PHF20: variants seen among roughly 807,000 people sequenced by gnomAD.
PHF20 encodes the protein glioma-expressed antigen 2.
Under a neutral mutation model 113.5 loss-of-function variants are expected in PHF20, and 23 were observed. That is an observed-to-expected ratio of 0.20 (90% CI 0.15 to 0.29). The LOEUF (loss-of-function observed/expected upper bound fraction) is 0.29. PHF20 is among the 10% of genes least tolerant of loss of function. PHF20 has a pLI of 1.00. For synonymous variants in PHF20, 434 were observed against 457.3 expected, an observed-to-expected ratio of 0.95 and a Z score of 0.65; for missense variants, 943 against 1,219.6, an observed-to-expected ratio of 0.77 and a Z score of 3.38.
intron 13 of PHF20, among the ~76,000 whole-genome samples, chr20:35,918,594 G>C (rs930421242): frequency 1.3e-5 from 2 of 152,176 alleles, no homozygotes; most frequent in African/African-American, 4.8e-5. Flanking sequence ...TTGTGTTCAA[G>C]AGGCTAGGTA....
intron 9 of PHF20, among the ~76,000 whole-genome samples, chr20:35,898,556 T>C (rs1021809350): frequency 1.3e-5 from 2 of 152,168 alleles, no homozygotes; most frequent in Admixed American, 6.6e-5. Flanking sequence ...TGCCTCAGCC[T>C]CCCGAATAGC....
chr20:35,898,470 C>T (rs2055032650), intron 9 of PHF20, among the ~76,000 whole-genome samples: 1 of 152,112 alleles, frequency 6.6e-6, no homozygotes, highest in Non-Finnish European at 1.5e-5. Context: ...GAGTCTGGCT[C>T]TGTTGACCAG....
At chr20:35,941,118 A>C in intron 17 of PHF20, 71 bp downstream of exon 17, 3 of 1,297,770 alleles carry the variant, frequency 2.3e-6, no homozygotes, top group Middle Eastern at 2.4e-4. Flanking sequence ...TGCTTTCTGA[A>C]CCCCCCAGTC....
At chr20:35,868,003 A>G (rs2054347459) in intron 6 of PHF20, among the ~76,000 whole-genome samples, 1 of 152,108 alleles carries the variant, frequency 6.6e-6, no homozygotes, top group Admixed American at 6.6e-5. Flanking sequence ...TTTAAAACAA[A>G]ATAGTAAGGG....
intron 1 of PHF20, among the ~76,000 whole-genome samples, chr20:35,782,939 A>G (rs1474593981): frequency 6.6e-6 from 1 of 152,178 alleles, no homozygotes; most frequent in Non-Finnish European, 1.5e-5. Context: ...CATGCCTGTA[A>G]TCCCAGCACT....
rs1275342182 is a variant in PHF20 at position 35,870,174 on chromosome 20, G to C, written c.922+623G>C. On this transcript the variant is annotated intron_variant, in intron 7 of 17. Transcript: ENST00000374012. ...AAAAAATTAGCCGGGTGTTGTGGCAGGCACCTGTAGTCCCAGCTATTCAGG... is the reference window on the plus strand; with the variant it reads ...AAAAAATTAGCCGGGTGTTGTGGCACGCACCTGTAGTCCCAGCTATTCAGG... Among the ~76,000 whole-genome samples the C allele has an allele frequency of 2.6e-5, 4 of 152,094 alleles. No individual in the cohort carries two copies. In the East Asian group the frequency reaches 7.7e-4, roughly 29 times the overall value.
At chr20:35,813,959 G>GAAAAAAAAAAAAAAAAAAAA (rs2042022207) in intron 2 of PHF20, among the ~76,000 whole-genome samples, 2 of 136,198 alleles carry the variant, frequency 1.5e-5, no homozygotes. Flanking sequence ...AAAAAAAAAG[G>GAAAAAAAAAAAAAAAAAAAA]AAATTGACCT....
intron 9 of PHF20, among the ~76,000 whole-genome samples, chr20:35,884,798 A>C (rs1289327066): frequency 6.6e-6 from 1 of 152,092 alleles, no homozygotes; most frequent in Non-Finnish European, 1.5e-5. Context: ...CTAGCAATTT[A>C]CCATGTTAGC....
chr20:35,845,663 G>A (rs1248452196), intron 3 of PHF20, among the ~76,000 whole-genome samples: 1 of 152,122 alleles, frequency 6.6e-6, no homozygotes, highest in African/African-American at 2.4e-5. Context: ...GGGATTATAG[G>A]CGTGTGCCCT....
chr20:35,863,490 C>A (rs1383993029), intron 6 of PHF20, 90 bp downstream of exon 6: 2 of 1,295,470 alleles, frequency 1.5e-6, no homozygotes, highest in Non-Finnish European at 2.1e-6. Flanking sequence ...GTACGTCAAT[C>A]GTTTATTTTT....
intron 12 of PHF20, among the ~76,000 whole-genome samples, chr20:35,914,577 A>C (rs2055366080): frequency 6.6e-6 from 1 of 152,218 alleles, no homozygotes; most frequent in African/African-American, 2.4e-5. Flanking sequence ...CCGAAAACCT[A>C]CTGAATGAAA....
chr20:35,937,625 TCTTC>T (rs1446887363), intron 15 of PHF20, among the ~76,000 whole-genome samples: 1 of 152,162 alleles, frequency 6.6e-6, no homozygotes, highest in Non-Finnish European at 1.5e-5. Flanking sequence ...GGTGCCAGAC[TCTTC>T]CTTAATTTTC....
intron 2 of PHF20, among the ~76,000 whole-genome samples, chr20:35,820,516 T>C (rs2042150357): frequency 6.6e-6 from 1 of 151,446 alleles, no homozygotes; most frequent in South Asian, 2.1e-4. Context: ...TGGCATGATC[T>C]TGGCTCACTG....
chr20:35,806,661 C>G (rs1213977707), intron 2 of PHF20, among the ~76,000 whole-genome samples: 2 of 152,026 alleles, frequency 1.3e-5, no homozygotes, highest in Non-Finnish European at 2.9e-5. Context: ...GATCTTTAGT[C>G]TATTCCATTG....
chr20:35,917,738 A>G (rs2055434070), intron 13 of PHF20, 76 bp downstream of exon 13: 7 of 1,256,010 alleles, frequency 5.6e-6, no homozygotes, highest in Non-Finnish European at 7.9e-6. Context: ...GCCAGCAACA[A>G]TGGCAAGTCA....
chr20:35,846,645 A>G (rs896469616), intron 3 of PHF20, among the ~76,000 whole-genome samples: 8 of 152,174 alleles, frequency 5.3e-5, no homozygotes, highest in African/African-American at 1.9e-4. Context: ...GTATTCTAGT[A>G]GTCCTGGCCT....
At chr20:35,895,004 C>T (rs1262878736) in intron 9 of PHF20, among the ~76,000 whole-genome samples, 2 of 151,996 alleles carry the variant, frequency 1.3e-5, no homozygotes, top group Non-Finnish European at 2.9e-5. Flanking sequence ...TACAGGCGCG[C>T]ACCATGCCCA....
intron 4 of PHF20, among the ~76,000 whole-genome samples, chr20:35,856,769 A>C (rs2042836108): frequency 1.3e-5 from 2 of 152,236 alleles, no homozygotes; most frequent in Admixed American, 6.5e-5. Flanking sequence ...TGAGTGGCAC[A>C]TTCCCAGAAG....
At chr20:35,888,864 C>T (rs1342395427) in intron 9 of PHF20, among the ~76,000 whole-genome samples, 2 of 151,812 alleles carry the variant, frequency 1.3e-5, no homozygotes, top group African/African-American at 4.8e-5. Context: ...TGGATGATGT[C>T]ACTTAGTGGT....
Sources: allele counts gnomAD v4.1 joint callset (sites outside exome capture counted in the v4.1 genomes callset), GRCh38; gene constraint gnomAD v4.1.1; transcripts MANE v1.5; gene names NCBI Gene and HGNC (gene_info 2026-07-23, HGNC 2026-07-21).